KIAA1958: variants seen among roughly 807,000 people sequenced by gnomAD.
KIAA1958 encodes KIAA1958.
A neutral mutation model predicts 47.2 loss-of-function variants in KIAA1958; 14 were observed. That is an observed-to-expected ratio of 0.30 (90% CI 0.20 to 0.46). KIAA1958 has a LOEUF of 0.46. Among genes scored for constraint, KIAA1958 ranks in the 20% least tolerant of loss-of-function variants. The pLI is 1.00. For missense variants in KIAA1958, 803 were observed against 909.2 expected (o/e 0.88, Z 1.50); for synonymous variants, 354 against 353.3 (o/e 1.00, Z -0.02).
chr9:112,590,524 G>A (rs1244579348), intron 2 of KIAA1958, among the ~76,000 whole-genome samples: 3 of 151,886 alleles, frequency 2.0e-5, no homozygotes, highest in South Asian at 2.1e-4. Flanking sequence ...GCTAATTTTT[G>A]TATTTTTAGT....
chr9:112,508,342 C>G (rs1587993355), intron 1 of KIAA1958, among the ~76,000 whole-genome samples: 2 of 152,222 alleles, frequency 1.3e-5, no homozygotes, highest in Admixed American at 1.3e-4. Context: ...AAAATAGTGT[C>G]TTACTGGTGT....
Position 112,563,065 on chromosome 9 carries a change from G to GTCTCTC in KIAA1958, c.-24-10976_-24-10971dup, listed in dbSNP as rs1554724186. On this transcript the variant is annotated intron_variant, in intron 1 of 3. Coordinates refer to ENST00000337530, the MANE Select transcript of KIAA1958 (RefSeq NM_133465.4). ...TCTTTCTCTCTCTCTCTCTGTCTCT[G>GTCTCTC]TCTCTCTCTCTCTCTCTCTCTATAT... Among the ~76,000 whole-genome samples the GTCTCTC allele has an allele frequency of 3.8e-4, 48 of 126,570 alleles. 2 individuals are homozygous for GTCTCTC. Among genetic ancestry groups the GTCTCTC allele is most frequent in the African/African-American group, 9.7e-4 (32 of 32,826 alleles). 83.0% of individuals were successfully genotyped at this position (126,570 alleles called of 152,430 possible).
intron 2 of KIAA1958, among the ~76,000 whole-genome samples, chr9:112,624,325 A>G (rs141468936): frequency 2.6e-5 from 4 of 152,342 alleles, no homozygotes; most frequent in African/African-American, 7.2e-5. Context: ...GGCATCCTCA[A>G]TCGTTGTTTA....
chr9:112,650,377 T>A (rs559021114), intron 3 of KIAA1958, among the ~76,000 whole-genome samples: 2 of 152,302 alleles, frequency 1.3e-5, no homozygotes, highest in Non-Finnish European at 2.9e-5. Flanking sequence ...TTGCAAGGTT[T>A]ATATTTTATA....
At chr9:112,523,493 T>G (rs1834589535) in intron 1 of KIAA1958, among the ~76,000 whole-genome samples, 2 of 152,084 alleles carry the variant, frequency 1.3e-5, no homozygotes, top group South Asian at 4.1e-4. Context: ...ATATGTGGTT[T>G]TAGATTTGTC....
chr9:112,532,895 G>A (rs1834774651), intron 1 of KIAA1958, among the ~76,000 whole-genome samples: 2 of 151,958 alleles, frequency 1.3e-5, no homozygotes, highest in Non-Finnish European at 2.9e-5. Context: ...ACAAAACTTG[G>A]CCATCTGTTT....
At chr9:112,525,938 T>C (rs7025434) in intron 1 of KIAA1958, among the ~76,000 whole-genome samples, 43,934 of 50,314 alleles carry the variant, frequency 0.87, 20,220 homozygotes, top group South Asian at 0.93. Flanking sequence ...TTCTTCTTCT[T>C]CTTCTTCTTC....
At chr9:112,550,842 A>G (rs115014629) in intron 1 of KIAA1958, among the ~76,000 whole-genome samples, 1,864 of 152,310 alleles carry the variant, frequency 0.012, 31 homozygotes, top group African/African-American at 0.042. Context: ...TTAGTTACTC[A>G]GTCTCCAGCT....
At chr9:112,612,843 G>A (rs764689281) in intron 2 of KIAA1958, among the ~76,000 whole-genome samples, 1 of 152,264 alleles carries the variant, frequency 6.6e-6, no homozygotes, top group African/African-American at 2.4e-5. Context: ...TTGTAATAGC[G>A]ACAGGATGCA....
chr9:112,667,920 G>T lies in KIAA1958; in HGVS notation c.*7851G>T, dbSNP rs964387637. ...CAGGACATTATCCACTAGAGGAAGG[G>T]TATGTATGCTTTTAAATAGATAATA... On this transcript the variant is annotated 3_prime_UTR_variant, in exon 4 of 4. Transcript: ENST00000337530. 1 of 152,094 alleles carries T rather than the reference G, an allele frequency of 6.6e-6. No individual in the cohort carries two copies. The highest frequency in any genetic ancestry group is 6.6e-5 in the Admixed American group (1 of 15,264). The allele number at this position is 152,094 out of a possible 1,614,324, so 9.4% of individuals were successfully genotyped here. A position where few individuals can be genotyped will look rare whatever the true frequency, so the allele number is the denominator to read the frequency against.
At chr9:112,569,716 G>A (rs1436061923) in intron 1 of KIAA1958, among the ~76,000 whole-genome samples, 2 of 151,736 alleles carry the variant, frequency 1.3e-5, no homozygotes, top group Non-Finnish European at 2.9e-5. Flanking sequence ...CGCCTCCCGG[G>A]TTCAAATGAT....
At chr9:112,595,708 T>G (rs894112472) in intron 2 of KIAA1958, among the ~76,000 whole-genome samples, 1 of 150,608 alleles carries the variant, frequency 6.6e-6, no homozygotes, top group Non-Finnish European at 1.5e-5. Flanking sequence ...TAAGCTTTAC[T>G]AACATTTAAT....
chr9:112,533,720 C>T (rs979225387), intron 1 of KIAA1958, among the ~76,000 whole-genome samples: 5 of 151,964 alleles, frequency 3.3e-5, no homozygotes, highest in Non-Finnish European at 4.4e-5. Context: ...TGAGTGCAGG[C>T]GGGGGAAATG....
At chr9:112,502,253 A>T (rs1288785049) in intron 1 of KIAA1958, among the ~76,000 whole-genome samples, 1 of 152,250 alleles carries the variant, frequency 6.6e-6, no homozygotes, top group African/African-American at 2.4e-5. Flanking sequence ...AATACATGTG[A>T]CTAGTACTCA....
At chr9:112,615,700 A>G (rs1836398103) in intron 2 of KIAA1958, among the ~76,000 whole-genome samples, 1 of 152,196 alleles carries the variant, frequency 6.6e-6, no homozygotes, top group African/African-American at 2.4e-5. Context: ...GGTAGATTTC[A>G]TCTTTGTCAA....
rs566899694 is a variant in KIAA1958 at position 112,642,870 on chromosome 9, T to A, written c.1172-2780T>A. Among the ~76,000 whole-genome samples the A allele has an allele frequency of 2.2e-4, 33 of 152,378 alleles. 1 individual carries two copies. The South Asian group carries it at 6.4e-3, about 30-fold the overall frequency. On this transcript the variant is annotated intron_variant, in intron 2 of 3. Coordinates refer to ENST00000337530, the MANE Select transcript of KIAA1958 (RefSeq NM_133465.4). ...TGAACGAACCATATATGTCATTTAA[T>A]CATTTTCACATCATTTCTGTCCCAT... is the stretch of plus-strand genomic sequence containing the variant.
chr9:112,661,297 A>T lies in KIAA1958; in HGVS notation c.*1228A>T, dbSNP rs1837272679. ...TTTCACTCAGGTAAAATGCAACCTG[A>T]CCACATTATTTAAAAATCAGCAGAA... On this transcript the variant is annotated 3_prime_UTR_variant, in exon 4 of 4. Transcript: ENST00000337530. The T allele has an allele frequency of 6.6e-6, 1 of 152,206 alleles. No homozygotes were observed. The highest frequency in any genetic ancestry group is 1.9e-4 in the East Asian group (1 of 5,196). 9.4% of individuals were successfully genotyped at this position (152,206 alleles called of 1,614,324 possible).
At chr9:112,512,681 C>T (rs1427676857) in intron 1 of KIAA1958, among the ~76,000 whole-genome samples, 2 of 151,254 alleles carry the variant, frequency 1.3e-5, no homozygotes, top group African/African-American at 4.9e-5. Flanking sequence ...AATGGCCGGG[C>T]AAGATAAGGT....
chr9:112,503,149 G>A (rs1834173631), intron 1 of KIAA1958, among the ~76,000 whole-genome samples: 1 of 152,150 alleles, frequency 6.6e-6, no homozygotes, highest in African/African-American at 2.4e-5. Context: ...GCAGGAAAGG[G>A]GGATATGAAA....
Sources: gnomAD v4.1 joint callset for allele counts (sites outside exome capture counted in the v4.1 genomes callset) on GRCh38, gnomAD v4.1.1 for gene constraint, MANE v1.5 for transcripts, NCBI Gene and HGNC (gene_info 2026-07-23, HGNC 2026-07-21) for gene names.